CNTN1: variants seen among roughly 807,000 people sequenced by gnomAD.
CNTN1 encodes contactin-1.
In CNTN1, 38 loss-of-function variants were observed where a neutral mutation model predicts 126.4. The ratio of observed to expected loss-of-function variants is 0.30; its 90% CI spans 0.23 to 0.39. The LOEUF (loss-of-function observed/expected upper bound fraction) is 0.39, where lower values mean the gene tolerates loss of function less well. Among genes scored for constraint, CNTN1 ranks in the 10% least tolerant of loss-of-function variants. CNTN1 has a pLI of 1.00. For synonymous variants in CNTN1, 413 were observed against 422.6 expected (o/e 0.98, Z 0.28); for missense variants, 1,009 against 1,248.4 (o/e 0.81, Z 2.89).
At chr12:40,833,163 C>T (rs954339014) in intron 1 of CNTN1, among the ~76,000 whole-genome samples, 2 of 152,074 alleles carry the variant, frequency 1.3e-5, no homozygotes, top group Non-Finnish European at 2.9e-5. Context: ...GGTGCAATCT[C>T]GGCTCACTGC....
At chr12:40,794,554 A>G (rs1019109961) in intron 1 of CNTN1, among the ~76,000 whole-genome samples, 10 of 152,112 alleles carry the variant, frequency 6.6e-5, no homozygotes, top group African/African-American at 2.2e-4. Context: ...TATATTGCCA[A>G]AAATATTAAA....
intron 1 of CNTN1, among the ~76,000 whole-genome samples, chr12:40,771,955 G>A (rs1939352856): frequency 6.6e-6 from 1 of 152,052 alleles, no homozygotes; most frequent in African/African-American, 2.4e-5. Flanking sequence ...TGGCAGAGGA[G>A]GATTAGAATC....
In CNTN1 at chr12:40,939,365, T is replaced by C. The variant is rs1362832025; in HGVS notation, c.1259T>C (p.Met420Thr). ...GCTCCAACTTTTGAAATGAATCCTA[T>C]GAAGAAAAAGATCCTGGCTGCTAAA... is the stretch of plus-strand genomic sequence containing the variant. ...ALAPTFEMNP[M>T]KKKILAAKGG... The change falls in exon 12 of 24, where the codon ATG becomes ACG. Residue 420 changes from methionine (M) to threonine (T), a missense_variant. Transcript: ENST00000551295. 20 of 1,613,754 alleles carry C rather than the reference T, an allele frequency of 1.2e-5. No homozygotes were observed. Among genetic ancestry groups the C allele is most frequent in the Non-Finnish European group, 1.6e-5 (19 of 1,179,918 alleles).
intron 17 of CNTN1, among the ~76,000 whole-genome samples, chr12:40,996,500 C>T (rs957252997): frequency 3.9e-5 from 6 of 152,116 alleles, no homozygotes; most frequent in Non-Finnish European, 8.8e-5. Context: ...TGTTTACAAA[C>T]ATATTAGGAA....
intron 1 of CNTN1, among the ~76,000 whole-genome samples, chr12:40,872,565 T>C (rs954242930): frequency 9.1e-6 from 1 of 110,356 alleles, no homozygotes; most frequent in Admixed American, 1.0e-4. Flanking sequence ...TAAGCATTTT[T>C]TCTTTCTTTT....
intron 1 of CNTN1, among the ~76,000 whole-genome samples, chr12:40,724,178 C>T (rs1217897663): frequency 6.6e-6 from 1 of 152,128 alleles, no homozygotes; most frequent in Non-Finnish European, 1.5e-5. Flanking sequence ...ACCCTAGGCA[C>T]TGTGCCTTCT....
At chr12:41,016,244 G>A (rs1317763991) in intron 18 of CNTN1, among the ~76,000 whole-genome samples, 3 of 152,194 alleles carry the variant, frequency 2.0e-5, no homozygotes, top group Non-Finnish European at 4.4e-5. Context: ...AGATAAATAA[G>A]TAAACTGTAT....
chr12:40,750,255 T>C (rs1354673992), intron 1 of CNTN1, among the ~76,000 whole-genome samples: 1 of 152,114 alleles, frequency 6.6e-6, no homozygotes, highest in Non-Finnish European at 1.5e-5. Flanking sequence ...GATGATGAGT[T>C]CATCTACTAG....
chr12:40,993,169 A>G lies in CNTN1; in HGVS notation c.2013A>G (p.Leu671=). ...TGGAGGCAGCAAGAGCAGTGGACTT[A>G]ATCCCATGGATGGAGTATGAATTCC... ...GNMEAARAVD[L]IPWMEYEFRV... The change falls in exon 17 of 24, where the codon TTA becomes TTG. Residue 671 remains leucine, a synonymous_variant. Coordinates refer to ENST00000551295, the MANE Select transcript of CNTN1 (RefSeq NM_001843.4). The G allele has an allele frequency of 2.5e-6, 4 of 1,613,592 alleles. No homozygotes were observed. Among genetic ancestry groups the G allele is most frequent in the Non-Finnish European group, 3.4e-6 (4 of 1,179,494 alleles).
At chr12:41,052,895 T>C (rs1348965943) in intron 23 of CNTN1, among the ~76,000 whole-genome samples, 3 of 151,980 alleles carry the variant, frequency 2.0e-5, no homozygotes, top group South Asian at 4.1e-4. Flanking sequence ...TTTAAAGTTA[T>C]AAAGAATGCA....
At chr12:40,900,971 G>A (rs1044758918) in intron 1 of CNTN1, among the ~76,000 whole-genome samples, 7 of 152,154 alleles carry the variant, frequency 4.6e-5, no homozygotes, top group African/African-American at 1.7e-4. Context: ...AGAGATTGAA[G>A]GGAGCCAGGC....
chr12:41,060,305 A>G (rs1472034613), intron 23 of CNTN1, among the ~76,000 whole-genome samples: 3 of 152,190 alleles, frequency 2.0e-5, no homozygotes, highest in Non-Finnish European at 2.9e-5. Flanking sequence ...AAAATGTCCA[A>G]GAAGTCCTAG....
chr12:41,048,758 A>G (rs1209585590), intron 23 of CNTN1, among the ~76,000 whole-genome samples: 1 of 152,114 alleles, frequency 6.6e-6, no homozygotes, highest in Non-Finnish European at 1.5e-5. Context: ...GAAGGAGAGA[A>G]AGAGAAGAAG....
chr12:40,942,983 T>G (rs1380650721), intron 12 of CNTN1, among the ~76,000 whole-genome samples: 1 of 152,080 alleles, frequency 6.6e-6, no homozygotes, highest in African/African-American at 2.4e-5. Context: ...AAAAATCCAA[T>G]GACAGGCAAT....
intron 1 of CNTN1, among the ~76,000 whole-genome samples, chr12:40,845,802 C>A (rs967644143): frequency 6.6e-6 from 1 of 152,140 alleles, no homozygotes; most frequent in African/African-American, 2.4e-5. Flanking sequence ...CACTCCCCAA[C>A]CCCCATAACT....
At chr12:40,985,263 G>A (rs993252838) in intron 16 of CNTN1, among the ~76,000 whole-genome samples, 1 of 151,740 alleles carries the variant, frequency 6.6e-6, no homozygotes, top group Non-Finnish European at 1.5e-5. Context: ...TATTCTATTT[G>A]CTGAAAAGTG....
At chr12:40,945,122 C>G (rs1946388921) in intron 14 of CNTN1, among the ~76,000 whole-genome samples, 1 of 151,996 alleles carries the variant, frequency 6.6e-6, no homozygotes. Context: ...CAACTGTACA[C>G]CTCTAGTAAA....
At chr12:41,039,111 C>T (rs552433978) in intron 23 of CNTN1, among the ~76,000 whole-genome samples, 1 of 152,204 alleles carries the variant, frequency 6.6e-6, no homozygotes, top group South Asian at 2.1e-4. Flanking sequence ...TAGATTTTAT[C>T]CTAAAGGTGA....
chr12:40,694,474 C>G (rs1941396534), intron 1 of CNTN1, among the ~76,000 whole-genome samples: 1 of 152,152 alleles, frequency 6.6e-6, no homozygotes, highest in Admixed American at 6.5e-5. Context: ...CTTTAATATT[C>G]CAACAACCTG....
Sources: allele counts gnomAD v4.1 joint callset (sites outside exome capture counted in the v4.1 genomes callset), GRCh38; gene constraint gnomAD v4.1.1; transcripts MANE v1.5; gene names NCBI Gene and HGNC (gene_info 2026-07-23, HGNC 2026-07-21).